KCNQ5: variants seen among roughly 807,000 people sequenced by gnomAD.
KCNQ5 encodes potassium voltage-gated channel subfamily Q member 5.
KCNQ5 carries 30 observed loss-of-function variants against 98.2 expected under a neutral mutation model. The observed-to-expected ratio is 0.31, with a 90% CI of 0.23 to 0.41. KCNQ5 has a LOEUF of 0.41. Ranked by LOEUF, KCNQ5 falls within the 10% of genes least tolerant of loss-of-function variation. The pLI is 1.00. For synonymous variants in KCNQ5, 458 were observed against 449.4 expected, an observed-to-expected ratio of 1.02 and a Z score of -0.24; for missense variants, 835 against 1,182.5, an observed-to-expected ratio of 0.71 and a Z score of 4.31.
At chr6:73,023,140 C>T (rs1770683437) in intron 2 of KCNQ5, among the ~76,000 whole-genome samples, 1 of 152,068 alleles carries the variant, frequency 6.6e-6, no homozygotes, top group Admixed American at 6.6e-5. Context: ...AAAATAGAGG[C>T]AGAAAAGATG....
intron 3 of KCNQ5, among the ~76,000 whole-genome samples, chr6:73,053,094 A>G (rs1416514001): frequency 6.6e-6 from 1 of 152,220 alleles, no homozygotes; most frequent in Non-Finnish European, 1.5e-5. Flanking sequence ...AGGAGTTGCT[A>G]TTCTACATTC....
In KCNQ5 at chr6:73,196,035, C is replaced by A. The variant is rs917728282; in HGVS notation, c.*621C>A. The A allele has an allele frequency of 3.3e-5, 5 of 152,890 alleles. No individual in the cohort carries two copies. The highest frequency in any genetic ancestry group is 1.2e-4 in the African/African-American group (5 of 41,434). 9.5% of individuals were successfully genotyped at this position (152,890 alleles called of 1,614,324 possible). A position where few individuals can be genotyped will look rare whatever the true frequency, so the allele number is the denominator to read the frequency against. On this transcript the variant is annotated 3_prime_UTR_variant, in exon 14 of 14. Transcript: ENST00000370398. ...TTTTGCACATCATTTTCATGTTGTTCTTTATGACAAGAATGTTCTTCAATT... is the reference window on the plus strand; with the variant it reads ...TTTTGCACATCATTTTCATGTTGTTATTTATGACAAGAATGTTCTTCAATT...
intron 1 of KCNQ5, among the ~76,000 whole-genome samples, chr6:72,931,475 G>A (rs774032358): frequency 6.6e-6 from 1 of 152,046 alleles, no homozygotes; most frequent in Non-Finnish European, 1.5e-5. Context: ...ATATAAAGAG[G>A]TCTTTTAAAG....
intron 1 of KCNQ5, among the ~76,000 whole-genome samples, chr6:72,750,725 A>G (rs1045044960): frequency 2.0e-5 from 3 of 152,088 alleles, no homozygotes; most frequent in Non-Finnish European, 4.4e-5. Flanking sequence ...TTAAATAGAT[A>G]TATAATAAAA....
At chr6:73,176,377 G>A (rs1188643882) in intron 11 of KCNQ5, among the ~76,000 whole-genome samples, 1 of 152,130 alleles carries the variant, frequency 6.6e-6, no homozygotes, top group Non-Finnish European at 1.5e-5. Flanking sequence ...CCCTTTTGCC[G>A]TCCGCCATGA....
chr6:72,910,775 G>A (rs1004908040), intron 1 of KCNQ5, among the ~76,000 whole-genome samples: 1 of 152,014 alleles, frequency 6.6e-6, no homozygotes, highest in Non-Finnish European at 1.5e-5. Flanking sequence ...GTGAACATAG[G>A]TATCAATTTA....
Position 73,124,473 on chromosome 6 carries a change from C to A in KCNQ5, c.1221-13C>A. ...TTTATCATCATTTCTCTTCTGCCTGCACGCACCTGAAGGAAAGAACAAGGG... is the reference window on the plus strand; with the variant it reads ...TTTATCATCATTTCTCTTCTGCCTGAACGCACCTGAAGGAAAGAACAAGGG... On this transcript the variant is annotated splice_polypyrimidine_tract_variant and intron_variant, in intron 8 of 13. Coordinates refer to ENST00000370398, the MANE Select transcript of KCNQ5 (RefSeq NM_019842.4). 5.6e-6 allele frequency: 9 copies of A among 1,612,996 alleles called. No homozygotes were observed. Among genetic ancestry groups the A allele is most frequent in the Non-Finnish European group, 7.6e-6 (9 of 1,179,162 alleles).
intron 1 of KCNQ5, among the ~76,000 whole-genome samples, chr6:72,728,238 C>A (rs1770386270): frequency 3.9e-5 from 6 of 152,142 alleles, no homozygotes; most frequent in Admixed American, 3.9e-4. Flanking sequence ...CACCCACACA[C>A]AAAATAGCTT....
intron 1 of KCNQ5, chr6:72,987,235 A>G: frequency 1.4e-6 from 1 of 690,352 alleles, no homozygotes; most frequent in East Asian, 3.0e-5. Flanking sequence ...AAGAGGAAAG[A>G]GAGTGGGGCA....
chr6:72,843,340 A>G (rs1776881284), intron 1 of KCNQ5, among the ~76,000 whole-genome samples: 1 of 152,136 alleles, frequency 6.6e-6, no homozygotes, highest in African/African-American at 2.4e-5. Flanking sequence ...CTGTTGGTCT[A>G]TATATCTGTT....
intron 1 of KCNQ5, among the ~76,000 whole-genome samples, chr6:72,774,776 G>T (rs1307330466): frequency 6.6e-6 from 1 of 152,120 alleles, no homozygotes; most frequent in East Asian, 1.9e-4. Context: ...AAAATAAAAT[G>T]TCAATGACAT....
chr6:72,988,752 C>A (rs1199758300), intron 1 of KCNQ5, among the ~76,000 whole-genome samples: 1 of 118,166 alleles, frequency 8.5e-6, no homozygotes, highest in African/African-American at 3.2e-5. Flanking sequence ...TGCGCTGCAC[C>A]CACTAATGTG....
At chr6:72,707,658 T>C (rs777929229) in intron 1 of KCNQ5, among the ~76,000 whole-genome samples, 8 of 152,212 alleles carry the variant, frequency 5.3e-5, no homozygotes, top group Non-Finnish European at 1.2e-4. Context: ...TAGGACAGAA[T>C]GTAAACTAGA....
At chr6:72,686,689 A>G (rs1767966625) in intron 1 of KCNQ5, among the ~76,000 whole-genome samples, 1 of 138,822 alleles carries the variant, frequency 7.2e-6, no homozygotes, top group Non-Finnish European at 1.5e-5. Flanking sequence ...TTCACTGCCC[A>G]TCTTTAGTTT....
chr6:73,050,081 G>A (rs1394250647), intron 3 of KCNQ5, among the ~76,000 whole-genome samples: 2 of 152,100 alleles, frequency 1.3e-5, no homozygotes, highest in African/African-American at 4.8e-5. Flanking sequence ...GCTGGGTGTG[G>A]TGGAACACAC....
At chr6:72,714,836 C>T (rs541075507) in intron 1 of KCNQ5, among the ~76,000 whole-genome samples, 14 of 151,978 alleles carry the variant, frequency 9.2e-5, no homozygotes, top group Admixed American at 6.6e-5. Context: ...TGGGCACCAG[C>T]GAGTCTGGAA....
intron 1 of KCNQ5, among the ~76,000 whole-genome samples, chr6:72,966,566 CA>C (rs1285371433): frequency 2.7e-5 from 4 of 149,868 alleles, no homozygotes; most frequent in African/African-American, 9.8e-5. Context: ...GAAACTCCAT[CA>C]AAGAAAGAAA....
At chr6:72,891,648 A>G (rs558663477) in intron 1 of KCNQ5, among the ~76,000 whole-genome samples, 64 of 152,312 alleles carry the variant, frequency 4.2e-4, no homozygotes, top group Admixed American at 1.9e-3. Context: ...TGCATAATTT[A>G]TGCACCGATG....
chr6:72,757,126 A>G (rs1433681012), intron 1 of KCNQ5, among the ~76,000 whole-genome samples: 1 of 152,152 alleles, frequency 6.6e-6, no homozygotes, highest in Non-Finnish European at 1.5e-5. Flanking sequence ...AACATTATCT[A>G]TGGATTAATA....
Sources: allele counts gnomAD v4.1 joint callset (sites outside exome capture counted in the v4.1 genomes callset), GRCh38; gene constraint gnomAD v4.1.1; transcripts MANE v1.5; gene names NCBI Gene and HGNC (gene_info 2026-07-23, HGNC 2026-07-21).